Variants in SP100 observed in about 807,000 individuals in gnomAD.
The protein encoded by SP100 is nuclear autoantigen Sp-100.
Under a neutral mutation model 130.0 loss-of-function variants are expected in SP100, and 84 were observed. That is an observed-to-expected ratio of 0.65 (90% CI 0.54 to 0.77). SP100 has a LOEUF of 0.77. SP100 is among the 30% of genes least tolerant of loss of function. The probability of loss-of-function intolerance (pLI) is 0.00; values close to 1 mark genes in which losing one functional copy is unlikely to be tolerated. For synonymous variants in SP100, 331 were observed against 351.7 expected, an observed-to-expected ratio of 0.94 and a Z score of 0.66; for missense variants, 978 against 1,052.2, an observed-to-expected ratio of 0.93 and a Z score of 0.97.
chr2:230,522,097 T>C (rs919656306), intron 24 of SP100, among the ~76,000 whole-genome samples: 3 of 152,114 alleles, frequency 2.0e-5, no homozygotes, highest in Admixed American at 6.6e-5. Flanking sequence ...GACAGTGGGA[T>C]TGGCTCCTAT....
intron 24 of SP100, chr2:230,515,684 G>T (rs1310645521): frequency 1.3e-6 from 2 of 1,566,252 alleles, no homozygotes; most frequent in Non-Finnish European, 1.7e-6. Context: ...AAGCATTTAA[G>T]CTGCCTGTAC....
chr2:230,542,773 G>A (rs1575825609), intron 28 of SP100, 63 bp from the exon 29 acceptor site: 3 of 932,464 alleles, frequency 3.2e-6, no homozygotes, highest in Non-Finnish European at 5.2e-6. Context: ...CAGATTATCT[G>A]CAACACTGGG....
intron 24 of SP100, among the ~76,000 whole-genome samples, chr2:230,525,757 T>C (rs982515416): frequency 6.6e-6 from 1 of 152,240 alleles, no homozygotes; most frequent in African/African-American, 2.4e-5. Context: ...CCATGCCTGC[T>C]TCAGCAGGTC....
chr2:230,417,492 A>C (rs2062636568), intron 1 of SP100, 99 bp from the exon 2 acceptor site: 2 of 1,461,544 alleles, frequency 1.4e-6, no homozygotes, highest in East Asian at 4.8e-5. Flanking sequence ...GGGTTTTTAC[A>C]TCTAAACAAA....
At chr2:230,508,230 A>G in intron 23 of SP100, 199 bp downstream of exon 23, 1 of 671,190 alleles carries the variant, frequency 1.5e-6, no homozygotes, top group Non-Finnish European at 2.2e-6. Flanking sequence ...TTTGAGATAG[A>G]GGTGGGAACA....
Position 230,497,494 on chromosome 2 carries a change from G to C in SP100, c.1646-967G>C, listed in dbSNP as rs931712795. ...GAGGGGAGGGGAGGGGAGGGGAGGA[G>C]AGGAGAGGAGAGGAGAGGAGAGGAG... On this transcript the variant is annotated intron_variant, in intron 18 of 28. Coordinates refer to ENST00000340126, the MANE Select transcript of SP100 (RefSeq NM_001080391.2). 1.5e-4 allele frequency among the ~76,000 whole-genome samples: 4 copies of C among 26,290 alleles called. No homozygotes were observed. The South Asian group carries it at 8.6e-3, about 57-fold the overall frequency. The allele number at this position is 26,290 out of a possible 152,430, so 17.2% of individuals were successfully genotyped here.
chr2:230,480,052 A>G (rs773099718), intron 17 of SP100, among the ~76,000 whole-genome samples: 3 of 152,190 alleles, frequency 2.0e-5, no homozygotes, highest in Non-Finnish European at 4.4e-5. Context: ...ACACACTTCT[A>G]GCCCCATTCA....
In SP100 at chr2:230,463,915, A is replaced by C. The variant is rs1165425154; in HGVS notation, c.1058-152A>C. The C allele has an allele frequency of 5.4e-6, 3 of 555,700 alleles. No homozygotes were observed. In the African/African-American group the frequency reaches 5.8e-5, roughly 11 times the overall value. The allele number at this position is 555,700 out of a possible 1,614,324, so 34.4% of individuals were successfully genotyped here. On this transcript the variant is annotated intron_variant, in intron 10 of 28. Coordinates refer to ENST00000340126, the MANE Select transcript of SP100 (RefSeq NM_001080391.2). ...GTATCACTAACCCACAATGAAGGTTAGTTGAAAGGCAAGACAAGCATGGCC... is the reference window on the plus strand; with the variant it reads ...GTATCACTAACCCACAATGAAGGTTCGTTGAAAGGCAAGACAAGCATGGCC...
At chr2:230,526,710 C>T (rs561375530) in intron 24 of SP100, among the ~76,000 whole-genome samples, 8 of 152,126 alleles carry the variant, frequency 5.3e-5, no homozygotes, top group African/African-American at 1.9e-4. Context: ...CTAGAATAAA[C>T]AGTGTGGAGA....
At chr2:230,515,132 A>G (rs200892656) in intron 24 of SP100, 4 of 1,612,512 alleles carry the variant, frequency 2.5e-6, no homozygotes, top group Non-Finnish European at 3.4e-6. Flanking sequence ...GCTTCAGTCA[A>G]GTTCTCAGAG....
intron 17 of SP100, among the ~76,000 whole-genome samples, chr2:230,478,591 G>A (rs2065680259): frequency 6.6e-6 from 1 of 152,108 alleles, no homozygotes. Context: ...TAGTCTTGTG[G>A]TGCAGAATGT....
chr2:230,543,156 T>C lies in SP100; in HGVS notation c.*210T>C. The C allele has an allele frequency of 5.2e-6, 2 of 388,216 alleles. No individual in the cohort carries two copies. The highest frequency in any genetic ancestry group is 9.4e-6 in the Non-Finnish European group (2 of 212,568). 24.0% of individuals were successfully genotyped at this position (388,216 alleles called of 1,614,324 possible). A position where few individuals can be genotyped will look rare whatever the true frequency, so the allele number is the denominator to read the frequency against. On this transcript the variant is annotated 3_prime_UTR_variant, in exon 29 of 29. Transcript: ENST00000340126. ...TCAATAAGCTAGGTATTGAGGAACA[T>C]ATCCCAAAATAATAAGAGCCATTTA...
chr2:230,492,031 AT>A, intron 17 of SP100, among the ~76,000 whole-genome samples: 1 of 152,154 alleles, frequency 6.6e-6, no homozygotes, highest in East Asian at 1.9e-4. Context: ...CCTTTATATG[AT>A]TCCTTTGGTG....
At chr2:230,453,985 T>TC (rs1308278857) in intron 8 of SP100, among the ~76,000 whole-genome samples, 1 of 152,152 alleles carries the variant, frequency 6.6e-6, no homozygotes, top group Non-Finnish European at 1.5e-5. Context: ...TATTGGTCTG[T>TC]TCAGATTTTC....
At chr2:230,451,759 T>C (rs1257689410) in intron 8 of SP100, among the ~76,000 whole-genome samples, 1 of 152,124 alleles carries the variant, frequency 6.6e-6, no homozygotes, top group Non-Finnish European at 1.5e-5. Flanking sequence ...CTTCTAGTAG[T>C]TTTACAACCT....
intron 23 of SP100, chr2:230,508,310 A>C: frequency 7.7e-6 from 1 of 129,144 alleles, no homozygotes; most frequent in Non-Finnish European, 1.3e-5. Flanking sequence ...TAAATGCCAT[A>C]CTTTTTTTTT....
intron 4 of SP100, 21 bp downstream of exon 4, chr2:230,444,367 C>T: frequency 6.3e-7 from 1 of 1,598,966 alleles, no homozygotes; most frequent in African/African-American, 1.3e-5. Context: ...TTATTATCTA[C>T]CTTTTTATTT....
At position 230,545,299 on chromosome 2, in the gene SP100, G is replaced by T. The variant is rs1236135071; in HGVS notation, c.*2353G>T. Among the ~76,000 whole-genome samples the T allele has an allele frequency of 4.6e-5, 7 of 152,180 alleles. No individual in the cohort carries two copies. The highest frequency in any genetic ancestry group is 1.4e-4 in the African/African-American group (6 of 41,444). On this transcript the variant is annotated 3_prime_UTR_variant, in exon 29 of 29. Coordinates refer to ENST00000340126, the MANE Select transcript of SP100 (RefSeq NM_001080391.2). ...CTCAGGAACATGGATAGAGCTGGAG[G>T]CTATTATCCTTAGCAAACTAATTCA...
intron 11 of SP100, 92 bp from the exon 12 acceptor site, chr2:230,466,209 T>G: frequency 4.8e-6 from 2 of 420,950 alleles, no homozygotes; most frequent in Non-Finnish European, 8.5e-6. Context: ...AAAAACTTTG[T>G]TATTAACCCA....
Sources: allele counts gnomAD v4.1 joint callset (sites outside exome capture counted in the v4.1 genomes callset), GRCh38; gene constraint gnomAD v4.1.1; transcripts MANE v1.5; gene names NCBI Gene and HGNC (gene_info 2026-07-23, HGNC 2026-07-21).